FA2H: variants seen among roughly 807,000 people sequenced by gnomAD.
FA2H encodes fatty acid 2-hydroxylase.
Under a neutral mutation model 44.9 loss-of-function variants are expected in FA2H, and 22 were observed. The ratio of observed to expected loss-of-function variants is 0.49; its 90% CI spans 0.35 to 0.70. The LOEUF is 0.70. Ranked by LOEUF, FA2H falls within the 30% of genes least tolerant of loss-of-function variation. The pLI, the probability that FA2H is intolerant of heterozygous loss-of-function variation, is 0.01. For synonymous variants in FA2H, 243 were observed against 213.2 expected, an observed-to-expected ratio of 1.14 and a Z score of -1.22; for missense variants, 501 against 504.9, an observed-to-expected ratio of 0.99 and a Z score of 0.07.
Position 74,758,266 on chromosome 16 carries a change from G to A in FA2H, c.270+16220C>T, listed in dbSNP as rs184265020. 3.5e-3 allele frequency among the ~76,000 whole-genome samples: 534 copies of A among 151,464 alleles called. 3 individuals carry two copies. The highest frequency in any genetic ancestry group is 0.012 in the African/African-American group (495 of 41,310). ...CTCCTGAGTAGCTGGGATTATAGGCGCACACCACCACACCCGGCTAATTTT... is the reference window on the plus strand; with the variant it reads ...CTCCTGAGTAGCTGGGATTATAGGCACACACCACCACACCCGGCTAATTTT... On this transcript the variant is annotated intron_variant, in intron 1 of 6. Transcript: ENST00000219368.
chr16:74,728,444 C>T (rs1190048986), intron 2 of FA2H, among the ~76,000 whole-genome samples: 1 of 151,982 alleles, frequency 6.6e-6, no homozygotes, highest in Admixed American at 6.6e-5. Flanking sequence ...GTTTGGAGTT[C>T]ATCAACATGG....
intron 1 of FA2H, among the ~76,000 whole-genome samples, chr16:74,753,349 C>T (rs72792769): frequency 0.028 from 4,245 of 152,292 alleles, 70 homozygotes; most frequent in Non-Finnish European, 0.035. Context: ...CCGCACCAAA[C>T]GCTACGCACC....
intron 1 of FA2H, among the ~76,000 whole-genome samples, chr16:74,760,887 A>C (rs1365362325): frequency 1.3e-5 from 2 of 152,214 alleles, no homozygotes; most frequent in Non-Finnish European, 2.9e-5. Context: ...CCCATATTGC[A>C]GGATCTCTCT....
intron 5 of FA2H, among the ~76,000 whole-genome samples, chr16:74,718,624 C>T (rs112651041): frequency 3.9e-5 from 6 of 152,176 alleles, no homozygotes; most frequent in African/African-American, 9.7e-5. Context: ...GCTCCAGGAG[C>T]GCAAGGCTTT....
At chr16:74,740,419 C>T (rs1279794245) in intron 1 of FA2H, among the ~76,000 whole-genome samples, 1 of 151,966 alleles carries the variant, frequency 6.6e-6, no homozygotes, top group Non-Finnish European at 1.5e-5. Context: ...GAGTTTGAGA[C>T]CAGCCTGGCC....
At chr16:74,753,964 C>T (rs957398619) in intron 1 of FA2H, among the ~76,000 whole-genome samples, 5 of 152,188 alleles carry the variant, frequency 3.3e-5, no homozygotes, top group Middle Eastern at 3.2e-3. Context: ...TCAAGTGAAG[C>T]ATCAAACTTT....
chr16:74,766,596 G>C (rs1186691984), intron 1 of FA2H, among the ~76,000 whole-genome samples: 3 of 151,850 alleles, frequency 2.0e-5, no homozygotes, highest in Non-Finnish European at 4.4e-5. Flanking sequence ...CGAGGCTCTA[G>C]CCAAACTAGG....
intron 1 of FA2H, among the ~76,000 whole-genome samples, chr16:74,771,496 G>A (rs554914605): frequency 1.3e-5 from 2 of 151,864 alleles, no homozygotes; most frequent in Non-Finnish European, 2.9e-5. Flanking sequence ...AACCACACCC[G>A]GCTAATTTTT....
chr16:74,744,406 G>A (rs564800475), intron 1 of FA2H, among the ~76,000 whole-genome samples: 6 of 150,514 alleles, frequency 4.0e-5, no homozygotes, highest in Non-Finnish European at 8.9e-5. Context: ...GAAGATATGT[G>A]TGCTTTCTTT....
At chr16:74,716,874 G>C (rs1247007584) in intron 5 of FA2H, 8 of 492,056 alleles carry the variant, frequency 1.6e-5, no homozygotes, top group Non-Finnish European at 2.9e-5. Context: ...GATGGGTGGG[G>C]TGTGCTGGCG....
intron 1 of FA2H, among the ~76,000 whole-genome samples, chr16:74,767,702 C>T (rs540192526): frequency 6.6e-6 from 1 of 152,192 alleles, no homozygotes; most frequent in East Asian, 1.9e-4. Flanking sequence ...AGAATCTCCC[C>T]TAGAGCATCC....
chr16:74,729,494 G>A lies in FA2H; in HGVS notation c.364-2108C>T, dbSNP rs1342518777. Among the ~76,000 whole-genome samples, 2 of 152,232 alleles carry A rather than the reference G, an allele frequency of 1.3e-5. 1 individual carries two copies. The highest frequency in any genetic ancestry group is 2.9e-5 in the Non-Finnish European group (2 of 68,042). On this transcript the variant is annotated intron_variant, in intron 2 of 6. Coordinates refer to ENST00000219368, the MANE Select transcript of FA2H (RefSeq NM_024306.5). ...GTTTTCTAATGCACAGACTGTGAGA[G>A]TACATTAACACATGCAAATACTTTA...
At position 74,719,071 on chromosome 16, in the gene FA2H, G is replaced by A. The variant is rs387907039; in HGVS notation, c.703C>T (p.Arg235Cys). 14 of 1,613,916 alleles carry A rather than the reference G, an allele frequency of 8.7e-6. No individual in the cohort carries two copies. The highest frequency in any genetic ancestry group is 1.3e-5 in the African/African-American group (1 of 74,936). Residue 235 changes from arginine (R) to cysteine (C), a missense_variant, in exon 5 of 7, where the codon CGC becomes TGC. Transcript: ENST00000219368. The part of the protein sequence containing the change: ...LWSLIEYLIH[R>C]FLFHMKPPSD... ...GGGGGCTTCATGTGGAACAGGAAGC[G>A]GTGGATGAGGTACTCGATGAGGCTC...
chr16:74,751,810 G>A (rs1239366960), intron 1 of FA2H, among the ~76,000 whole-genome samples: 1 of 152,158 alleles, frequency 6.6e-6, no homozygotes, highest in Non-Finnish European at 1.5e-5. Context: ...TGATGGAAAT[G>A]TTCTATATGT....
chr16:74,725,744 G>T (rs1961938805), intron 4 of FA2H, among the ~76,000 whole-genome samples: 1 of 152,196 alleles, frequency 6.6e-6, no homozygotes, highest in Non-Finnish European at 1.5e-5. Context: ...CAGTCTGGGG[G>T]TCTGCTGCCT....
intron 4 of FA2H, among the ~76,000 whole-genome samples, chr16:74,719,596 G>T (rs1423731552): frequency 1.3e-5 from 2 of 152,164 alleles, no homozygotes; most frequent in Non-Finnish European, 2.9e-5. Flanking sequence ...GGAGGGCAGT[G>T]GTGTGATTAC....
In FA2H at chr16:74,713,734, C is replaced by T. The variant is rs764296654; in HGVS notation, c.*456G>A. 5.8e-6 allele frequency: 1 copy of T among 172,760 alleles called. No homozygotes were observed. Among genetic ancestry groups the T allele is most frequent in the Non-Finnish European group, 1.3e-5 (1 of 79,510 alleles). 10.7% of individuals were successfully genotyped at this position (172,760 alleles called of 1,614,324 possible). Reference sequence around the variant, plus strand: ...GCCACCAAAGCCTCCCCAGAAGGGACAGCAGGGAGGACAGGGACCACAGAT... The same window carrying T: ...GCCACCAAAGCCTCCCCAGAAGGGATAGCAGGGAGGACAGGGACCACAGAT... On this transcript the variant is annotated 3_prime_UTR_variant, in exon 7 of 7. Coordinates refer to ENST00000219368, the MANE Select transcript of FA2H (RefSeq NM_024306.5).
At chr16:74,742,311 A>G (rs1306038920) in intron 1 of FA2H, among the ~76,000 whole-genome samples, 3 of 152,146 alleles carry the variant, frequency 2.0e-5, no homozygotes, top group Non-Finnish European at 4.4e-5. Flanking sequence ...CCACCCTGCC[A>G]CGTGGTGGGG....
At chr16:74,726,695 C>T (rs1278252818) in intron 3 of FA2H, among the ~76,000 whole-genome samples, 2 of 152,196 alleles carry the variant, frequency 1.3e-5, no homozygotes, top group African/African-American at 4.8e-5. Context: ...CAGGGTCCAG[C>T]TTTCTTAGAG....
Sources: allele counts gnomAD v4.1 joint callset (sites outside exome capture counted in the v4.1 genomes callset), GRCh38; gene constraint gnomAD v4.1.1; transcripts MANE v1.5; gene names NCBI Gene and HGNC (gene_info 2026-07-23, HGNC 2026-07-21).